The following GALNT13 variants were observed in gnomAD, a reference collection of about 807,000 sequenced individuals.
GALNT13 encodes polypeptide N-acetylgalactosaminyltransferase 13.
GALNT13 carries 28 observed loss-of-function variants against 64.2 expected under a neutral mutation model. That is an observed-to-expected ratio of 0.44 (90% CI 0.32 to 0.60). GALNT13 has a LOEUF of 0.60. Ranked by LOEUF, GALNT13 falls within the 20% of genes least tolerant of loss-of-function variation. The pLI, the probability that GALNT13 is intolerant of heterozygous loss-of-function variation, is 0.05. For missense variants in GALNT13, 577 were observed against 669.8 expected (o/e 0.86, Z 1.53); for synonymous variants, 214 against 224.6 (o/e 0.95, Z 0.42).
chr2:153,658,461 A>T, the GALNT13 span, among the ~76,000 whole-genome samples: 1 of 152,100 alleles, frequency 6.6e-6, no homozygotes, highest in Admixed American at 6.6e-5. Context: ...TCAGTAGGTG[A>T]TAGACACTCC....
At chr2:153,710,663 A>T in the GALNT13 span, among the ~76,000 whole-genome samples, 1 of 152,142 alleles carries the variant, frequency 6.6e-6, no homozygotes, top group East Asian at 1.9e-4. Context: ...TTTTTTCTCT[A>T]CTGAACGATC....
At chr2:153,733,275 T>G in the GALNT13 span, among the ~76,000 whole-genome samples, 1 of 152,202 alleles carries the variant, frequency 6.6e-6, no homozygotes, top group African/African-American at 2.4e-5. Context: ...GTTCTTCATT[T>G]ATCATGTGTC....
At chr2:154,101,201 AT>A (rs1702330218) in intron 3 of GALNT13, among the ~76,000 whole-genome samples, 1 of 151,968 alleles carries the variant, frequency 6.6e-6, no homozygotes, top group Admixed American at 6.6e-5. Context: ...TTTTGGCATC[AT>A]GGTGATACTG....
chr2:153,786,838 C>T, the GALNT13 span, among the ~76,000 whole-genome samples: 1 of 152,132 alleles, frequency 6.6e-6, no homozygotes, highest in Non-Finnish European at 1.5e-5. Context: ...AGTATCTGTC[C>T]ACACCTCCAA....
rs1049375787 is a variant in GALNT13, at chr2:153,922,201, G to C, written c.-105+21194G>C. ...TTTGTACTGATTATGGTTTTTTGCAGGAAGGGGAGTCATACCAATATTTTC... is the reference window on the plus strand; with the variant it reads ...TTTGTACTGATTATGGTTTTTTGCACGAAGGGGAGTCATACCAATATTTTC... On this transcript the variant is annotated intron_variant, in intron 2 of 12. Transcript: ENST00000392825. 2.0e-5 allele frequency among the ~76,000 whole-genome samples: 3 copies of C among 152,086 alleles called. No individual in the cohort carries two copies. The East Asian group carries it at 5.8e-4, about 29-fold the overall frequency.
chr2:153,300,346 A>G, the GALNT13 span, among the ~76,000 whole-genome samples: 1 of 152,152 alleles, frequency 6.6e-6, no homozygotes, highest in African/African-American at 2.4e-5. Context: ...GTCAAGCTAC[A>G]GTATACGGTA....
At chr2:153,253,478 T>G in the GALNT13 span, among the ~76,000 whole-genome samples, 6 of 142,946 alleles carry the variant, frequency 4.2e-5, no homozygotes, top group South Asian at 4.5e-4. Flanking sequence ...GCTGCCTAAT[T>G]GCCCTGGCCA....
chr2:153,504,458 T>C, the GALNT13 span, among the ~76,000 whole-genome samples: 1 of 152,210 alleles, frequency 6.6e-6, no homozygotes, highest in Non-Finnish European at 1.5e-5. Context: ...TTTTGTCTTG[T>C]TCCAGTTCTC....
At position 154,195,150 on chromosome 2, in the gene GALNT13, GC is replaced by G. The variant is rs1303454323; in HGVS notation, c.312-46877del. Among the ~76,000 whole-genome samples, 3 of 152,086 alleles carry G rather than the reference GC, an allele frequency of 2.0e-5. No homozygotes were observed. In the East Asian group the frequency reaches 5.8e-4, roughly 30 times the overall value. The stretch of plus-strand genomic sequence containing the variant: ...TGCCTCCCACAACTGCAGCTCTTCA[GC>G]CCATCCCACTTGAGAATAAATACAT... On this transcript the variant is annotated intron_variant, in intron 4 of 12. Coordinates refer to ENST00000392825, the MANE Select transcript of GALNT13 (RefSeq NM_052917.4).
At chr2:153,995,488 T>C (rs1695460901) in intron 3 of GALNT13, among the ~76,000 whole-genome samples, 1 of 152,162 alleles carries the variant, frequency 6.6e-6, no homozygotes, top group South Asian at 2.1e-4. Flanking sequence ...TCTCAGTTAT[T>C]TCATAACTAT....
At chr2:153,541,724 C>T in the GALNT13 span, among the ~76,000 whole-genome samples, 3 of 152,176 alleles carry the variant, frequency 2.0e-5, no homozygotes, top group Non-Finnish European at 4.4e-5. Flanking sequence ...AAGAATCTAG[C>T]TGGACAGGGC....
At chr2:153,893,681 A>G (rs1445009837) in intron 1 of GALNT13, among the ~76,000 whole-genome samples, 2 of 152,082 alleles carry the variant, frequency 1.3e-5, no homozygotes, top group Admixed American at 6.6e-5. Flanking sequence ...GAATATAAAT[A>G]AATATTATTT....
the GALNT13 span, among the ~76,000 whole-genome samples, chr2:153,647,173 A>G: frequency 6.6e-6 from 1 of 152,072 alleles, no homozygotes. Context: ...GTGTGAGATG[A>G]TATCTCATTG....
intron 9 of GALNT13, among the ~76,000 whole-genome samples, chr2:154,345,791 G>A (rs541924349): frequency 3.9e-5 from 6 of 152,136 alleles, no homozygotes; most frequent in Admixed American, 2.0e-4. Context: ...CATTTCTATT[G>A]TAAAGACTTT....
chr2:153,256,895 T>G, the GALNT13 span, among the ~76,000 whole-genome samples: 1 of 152,192 alleles, frequency 6.6e-6, no homozygotes, highest in Non-Finnish European at 1.5e-5. Context: ...GAGGTTACTG[T>G]TGTCTTTTTG....
the GALNT13 span, among the ~76,000 whole-genome samples, chr2:153,533,370 G>A: frequency 6.6e-6 from 1 of 151,960 alleles, no homozygotes; most frequent in Non-Finnish European, 1.5e-5. Context: ...TCCCACCTCA[G>A]CCTCACAAGT....
At chr2:153,963,727 CTCTCTGTGTGTGTGTGTGTGTGTG>C (rs1394755213) in intron 3 of GALNT13, among the ~76,000 whole-genome samples, 7 of 96,672 alleles carry the variant, frequency 7.2e-5, no homozygotes, top group East Asian at 5.1e-4. Flanking sequence ...CTCTCTCTCT[CTCTCTGTGTGTGTGTGTGTGTGTG>C]TGTGTGTGTG....
chr2:154,056,712 A>T (rs930355565), intron 3 of GALNT13, among the ~76,000 whole-genome samples: 9 of 152,166 alleles, frequency 5.9e-5, no homozygotes. Flanking sequence ...TTCCCTGAGT[A>T]TGTTAGTAAC....
chr2:154,080,069 G>C (rs1701193540), intron 3 of GALNT13, among the ~76,000 whole-genome samples: 1 of 151,524 alleles, frequency 6.6e-6, no homozygotes, highest in African/African-American at 2.4e-5. Context: ...AGGAAGTTTA[G>C]ATTTTTAAAA....
Sources: allele counts gnomAD v4.1 joint callset (sites outside exome capture counted in the v4.1 genomes callset), GRCh38; gene constraint gnomAD v4.1.1; transcripts MANE v1.5; gene names NCBI Gene and HGNC (gene_info 2026-07-23, HGNC 2026-07-21).